The following BMP2K variants were observed in gnomAD, a reference collection of about 807,000 sequenced individuals.
The protein encoded by BMP2K is BMP-2-inducible protein kinase.
In BMP2K, 74 loss-of-function variants were observed where a neutral mutation model predicts 116.0. The observed-to-expected ratio is 0.64, with a 90% CI of 0.53 to 0.77. The LOEUF (loss-of-function observed/expected upper bound fraction) is 0.77. Among genes scored for constraint, BMP2K ranks in the 30% least tolerant of loss-of-function variants. BMP2K has a pLI of 0.00. For missense variants in BMP2K, 1,365 were observed against 1,403.6 expected, an observed-to-expected ratio of 0.97 and a Z score of 0.44; for synonymous variants, 486 against 502.5, an observed-to-expected ratio of 0.97 and a Z score of 0.44.
At position 78,859,382 on chromosome 4, in the gene BMP2K, GATCTAC is replaced by G; in HGVS notation, c.884-201_884-196del. The G allele has an allele frequency of 2.7e-5, 11 of 411,016 alleles. No homozygotes were observed. In the South Asian group the frequency reaches 3.0e-4, roughly 11 times the overall value. The allele number at this position is 411,016 out of a possible 1,614,324, so 25.5% of individuals were successfully genotyped here. A position where few individuals can be genotyped will look rare whatever the true frequency, so the allele number is the denominator to read the frequency against. ...TCTAGTGTAGAGCTGTTCTGTGATTGATCTACCCTTAGCTTGGGATAATGCTTTATT... is the reference window on the plus strand; with the variant it reads ...TCTAGTGTAGAGCTGTTCTGTGATTGCCTTAGCTTGGGATAATGCTTTATT... On this transcript the variant is annotated intron_variant, in intron 7 of 15. Coordinates refer to ENST00000502613, the MANE Select transcript of BMP2K (RefSeq NM_198892.2).
chr4:78,904,347 T>G (rs186105532), intron 15 of BMP2K, among the ~76,000 whole-genome samples: 2 of 152,090 alleles, frequency 1.3e-5, no homozygotes, highest in Admixed American at 6.5e-5. Context: ...CCCTTGGCAC[T>G]GTGCTTCAGG....
At chr4:78,865,816 A>G (rs1732023459) in intron 10 of BMP2K, 96 bp downstream of exon 10, 8 of 1,258,782 alleles carry the variant, frequency 6.4e-6, no homozygotes, top group Non-Finnish European at 4.4e-6. Context: ...TTAATATTGT[A>G]AAGTAGATAA....
intron 1 of BMP2K, among the ~76,000 whole-genome samples, chr4:78,817,456 C>T (rs1167157890): frequency 6.6e-6 from 1 of 152,206 alleles, no homozygotes; most frequent in Non-Finnish European, 1.5e-5. Flanking sequence ...CTTACAATTA[C>T]TCTTCTATCA....
At chr4:78,879,603 G>A (rs1358086012) in intron 14 of BMP2K, 7 of 216,314 alleles carry the variant, frequency 3.2e-5, no homozygotes, top group Non-Finnish European at 2.4e-5. Flanking sequence ...AGAGTATGTA[G>A]ATAATTTTCA....
intron 15 of BMP2K, among the ~76,000 whole-genome samples, chr4:78,902,532 A>T (rs140897432): frequency 6.6e-6 from 1 of 152,148 alleles, no homozygotes; most frequent in Non-Finnish European, 1.5e-5. Flanking sequence ...CTGCCAATTC[A>T]AAGTGAACTT....
rs1255981699 is a variant in BMP2K at position 78,851,075 on chromosome 4, G to A, written c.883+19G>A. 6.3e-7 allele frequency: 1 copy of A among 1,596,336 alleles called. No homozygotes were observed. The highest frequency in any genetic ancestry group is 8.5e-7 in the Non-Finnish European group (1 of 1,170,066). ...TTAATAAGTAAGTATTTGGGAAAAT[G>A]TATGAAAATATTGTAGGATACTGTA... On this transcript the variant is annotated intron_variant, in intron 7 of 15. Coordinates refer to ENST00000502613, the MANE Select transcript of BMP2K (RefSeq NM_198892.2).
intron 9 of BMP2K, 41 bp downstream of exon 9, chr4:78,861,509 AATG>A: frequency 6.7e-7 from 1 of 1,482,008 alleles, no homozygotes; most frequent in Non-Finnish European, 9.3e-7. Flanking sequence ...CATTAAAAAA[AATG>A]ATAGGTCTTG....
intron 14 of BMP2K, among the ~76,000 whole-genome samples, chr4:78,882,910 T>C (rs1249895331): frequency 6.6e-6 from 1 of 152,034 alleles, no homozygotes; most frequent in Non-Finnish European, 1.5e-5. Context: ...TCAGAACTAT[T>C]ACTGTTCCTT....
intron 15 of BMP2K, among the ~76,000 whole-genome samples, chr4:78,902,955 T>TA (rs758384038): frequency 3.3e-5 from 5 of 152,092 alleles, no homozygotes; most frequent in Admixed American, 1.3e-4. Context: ...AGTATTTGTT[T>TA]AAAAAATGCT....
intron 6 of BMP2K, 63 bp from the exon 7 acceptor site, chr4:78,850,861 T>C: frequency 1.3e-6 from 2 of 1,561,372 alleles, no homozygotes; most frequent in Non-Finnish European, 1.7e-6. Context: ...CATTGAGTTT[T>C]TGGCTATTTT....
chr4:78,877,963 C>T (rs1475325195), intron 13 of BMP2K, among the ~76,000 whole-genome samples: 2 of 152,042 alleles, frequency 1.3e-5, no homozygotes, highest in Non-Finnish European at 2.9e-5. Context: ...TATTTCCAGG[C>T]TGGGTTGAGG....
intron 7 of BMP2K, among the ~76,000 whole-genome samples, chr4:78,858,207 AGTTATT>A (rs972684613): frequency 6.6e-6 from 1 of 151,978 alleles, no homozygotes; most frequent in Non-Finnish European, 1.5e-5. Context: ...ATGAATAAGT[AGTTATT>A]GTTAACAGTA....
intron 1 of BMP2K, among the ~76,000 whole-genome samples, chr4:78,783,730 C>T (rs956586557): frequency 6.6e-6 from 1 of 152,074 alleles, no homozygotes; most frequent in Non-Finnish European, 1.5e-5. Context: ...CCCTTGAGCC[C>T]AGGAGGCAGA....
chr4:78,853,446 C>T (rs1394494027), intron 7 of BMP2K, among the ~76,000 whole-genome samples: 3 of 152,000 alleles, frequency 2.0e-5, no homozygotes, highest in African/African-American at 7.2e-5. Flanking sequence ...GTAATGGGGC[C>T]GACATGGGGG....
chr4:78,785,933 A>G (rs1207141975), intron 1 of BMP2K, among the ~76,000 whole-genome samples: 3 of 152,150 alleles, frequency 2.0e-5, no homozygotes, highest in African/African-American at 7.2e-5. Context: ...TAACCAAGTA[A>G]AGTACAAACT....
At chr4:78,786,470 A>G (rs1727738819) in intron 1 of BMP2K, among the ~76,000 whole-genome samples, 1 of 145,706 alleles carries the variant, frequency 6.9e-6, no homozygotes. Context: ...CACGGTCTCT[A>G]TTGGCTAGGC....
At chr4:78,902,932 A>G (rs1734085969) in intron 15 of BMP2K, among the ~76,000 whole-genome samples, 1 of 152,076 alleles carries the variant, frequency 6.6e-6, no homozygotes, top group Non-Finnish European at 1.5e-5. Flanking sequence ...CTAGGATCTC[A>G]TTCTTTTTAT....
At chr4:78,807,804 T>TC (rs1728895494) in intron 1 of BMP2K, among the ~76,000 whole-genome samples, 1 of 152,140 alleles carries the variant, frequency 6.6e-6, no homozygotes, top group Admixed American at 6.5e-5. Context: ...ATAAAATTAT[T>TC]TACCCTGTAA....
chr4:78,869,529 AAC>A (rs1732227185), intron 10 of BMP2K, among the ~76,000 whole-genome samples: 1 of 152,220 alleles, frequency 6.6e-6, no homozygotes, highest in African/African-American at 2.4e-5. Flanking sequence ...GAGTGTTCCC[AAC>A]ACACACAAAA....
Sources: allele counts gnomAD v4.1 joint callset (sites outside exome capture counted in the v4.1 genomes callset), GRCh38; gene constraint gnomAD v4.1.1; transcripts MANE v1.5; gene names NCBI Gene and HGNC (gene_info 2026-07-23, HGNC 2026-07-21).